The following CPLANE1 variants were observed in gnomAD, a reference collection of about 807,000 sequenced individuals.
CPLANE1 encodes the protein ciliogenesis and planar polarity effector 1.
Under a neutral mutation model 362.5 loss-of-function variants are expected in CPLANE1, and 263 were observed. The observed-to-expected ratio is 0.73, with a 90% confidence interval of 0.66 to 0.80. The LOEUF is 0.80. CPLANE1 is among the 30% of genes least tolerant of loss of function. The probability of loss-of-function intolerance (pLI) is 0.00; values close to 1 mark genes in which losing one functional copy is unlikely to be tolerated. For missense variants in CPLANE1, 3,461 were observed against 3,793.4 expected (o/e 0.91, Z 2.30); for synonymous variants, 1,212 against 1,302.6 (o/e 0.93, Z 1.50).
At chr5:37,134,259 A>G (rs1037079150) in intron 46 of CPLANE1, among the ~76,000 whole-genome samples, 1 of 152,146 alleles carries the variant, frequency 6.6e-6, no homozygotes, top group Admixed American at 6.5e-5. Flanking sequence ...CTGTGAATCC[A>G]TCTGGTCTGG....
intron 8 of CPLANE1, 103 bp from the exon 9 acceptor site, chr5:37,231,152 G>T: frequency 1.4e-6 from 1 of 697,650 alleles, no homozygotes; most frequent in Non-Finnish European, 2.1e-6. Context: ...TTCAAAAAAT[G>T]AGGGCAAAAG....
At chr5:37,232,005 G>C (rs1479356745) in intron 8 of CPLANE1, among the ~76,000 whole-genome samples, 2 of 152,060 alleles carry the variant, frequency 1.3e-5, no homozygotes, top group African/African-American at 4.8e-5. Flanking sequence ...GAAAGTAAAA[G>C]AAAATGAAGA....
downstream of CPLANE1, among the ~76,000 whole-genome samples, chr5:37,104,334 A>T (rs1757440309): frequency 6.6e-6 from 1 of 152,162 alleles, no homozygotes; most frequent in Non-Finnish European, 1.5e-5. Context: ...GTGGTGGCTC[A>T]TGCCTGTAAT....
In CPLANE1 at chr5:37,183,033, T is replaced by C. The variant is rs1160727384; in HGVS notation, c.5148A>G (p.Arg1716=). 4 of 1,613,390 alleles carry C rather than the reference T, an allele frequency of 2.5e-6. No homozygotes were observed. The African/African-American group carries it at 4.0e-5, about 16-fold the overall frequency. ...FWTPKSIKTR[R]CIFKAIQCND... Reference sequence around the variant, plus strand: ...TGCACTGAATAGCTTTGAAAATACATCTTCTAGTTTTAATGGACTTGGGAG... The same window carrying C: ...TGCACTGAATAGCTTTGAAAATACACCTTCTAGTTTTAATGGACTTGGGAG... The change falls in exon 26 of 53, where the codon AGA becomes AGG. Residue 1716 remains arginine (R), a synonymous_variant. Coordinates refer to ENST00000651892, the MANE Select transcript of CPLANE1 (RefSeq NM_001384732.1).
At chr5:37,164,780 A>G (rs1777797596) in intron 36 of CPLANE1, among the ~76,000 whole-genome samples, 1 of 152,244 alleles carries the variant, frequency 6.6e-6, no homozygotes, top group Non-Finnish European at 1.5e-5. Flanking sequence ...AAAAATAGTT[A>G]GTCACCAAAT....
rs149006773 is a variant in CPLANE1 at position 37,228,392 on chromosome 5, A to G, written c.1122-575T>C. On this transcript the variant is annotated intron_variant, in intron 9 of 52. Transcript: ENST00000651892. Reference sequence around the variant, plus strand: ...TTTACAAATATAAAAGGAACAAACCATCAAAGTATATTGTAATTTTTTTCT... The same window carrying G: ...TTTACAAATATAAAAGGAACAAACCGTCAAAGTATATTGTAATTTTTTTCT... 1.9e-3 allele frequency among the ~76,000 whole-genome samples: 293 copies of G among 152,284 alleles called. 2 individuals carry two copies. The highest frequency in any genetic ancestry group is 6.9e-3 in the African/African-American group (288 of 41,580).
the CPLANE1 span, chr5:37,085,281 C>T: frequency 5.4e-5 from 51 of 935,818 alleles, no homozygotes; most frequent in South Asian, 4.5e-4. Flanking sequence ...TGGCAAGGTA[C>T]GAACTGATAT....
rs1486811354 is a variant in CPLANE1 at position 37,198,716 on chromosome 5, T to C, written c.3658A>G (p.Lys1220Glu). 3 of 1,613,660 alleles carry C rather than the reference T, an allele frequency of 1.9e-6. No individual in the cohort carries two copies. Among genetic ancestry groups the C allele is most frequent in the Admixed American group, 1.7e-5 (1 of 59,940 alleles). The change falls in exon 20 of 53, where the codon AAA becomes GAA. Residue 1220 changes from lysine to glutamate, a missense_variant. This residue lies in a region of CPLANE1 where 3,380 missense variants were observed against 3,666.1 expected (regional missense o/e 0.92). Transcript: ENST00000651892. The part of the protein sequence containing the change: ...WYILQLRWAR[K>E]VMQKIRMKGS... ...TATTTCCATACCTTCTGCATGACTT[T>C]TCTTGCCCACCTCAACTGCAATATA...
chr5:37,165,279 G>A (rs957088445), intron 36 of CPLANE1, among the ~76,000 whole-genome samples: 3 of 152,090 alleles, frequency 2.0e-5, no homozygotes, highest in Non-Finnish European at 4.4e-5. Flanking sequence ...AGCAAAGGGT[G>A]ATTTCAAATA....
At chr5:37,075,960 C>A in the CPLANE1 span, among the ~76,000 whole-genome samples, 1 of 151,804 alleles carries the variant, frequency 6.6e-6, no homozygotes, top group African/African-American at 2.4e-5. Flanking sequence ...GAAATGGAAA[C>A]AGGCTGGGCA....
chr5:37,244,353 A>T (rs1350131976), intron 5 of CPLANE1, 22 bp downstream of exon 5: 1 of 1,479,552 alleles, frequency 6.8e-7, no homozygotes, highest in Admixed American at 2.1e-5. Flanking sequence ...CTTCACAGAT[A>T]AGAGTCTGAG....
At chr5:37,154,459 CTT>C (rs35522666) in intron 41 of CPLANE1, among the ~76,000 whole-genome samples, 17,978 of 84,180 alleles carry the variant, frequency 0.21, 1,772 homozygotes, top group East Asian at 0.36. Context: ...TGCAATAGTT[CTT>C]TTTTTTTTTT....
the CPLANE1 span, among the ~76,000 whole-genome samples, chr5:37,080,150 T>C: frequency 6.6e-6 from 1 of 152,218 alleles, no homozygotes; most frequent in African/African-American, 2.4e-5. Flanking sequence ...GCCTTAACCG[T>C]AAAATTGGAC....
At chr5:37,189,104 T>C (rs915387359) in intron 21 of CPLANE1, among the ~76,000 whole-genome samples, 2 of 152,172 alleles carry the variant, frequency 1.3e-5, no homozygotes, top group Non-Finnish European at 2.9e-5. Flanking sequence ...CTGCCTTGGA[T>C]TACAGGCATA....
At chr5:37,212,523 A>G in intron 16 of CPLANE1, 1 of 557,526 alleles carries the variant, frequency 1.8e-6, no homozygotes, top group Non-Finnish European at 3.3e-6. Flanking sequence ...AGAAACTACA[A>G]ATGTTTTCGT....
intron 27 of CPLANE1, 75 bp from the exon 28 acceptor site, chr5:37,180,258 T>TG: frequency 1.6e-5 from 17 of 1,056,980 alleles, no homozygotes; most frequent in Non-Finnish European, 2.0e-5. Flanking sequence ...GGTTTTTTTT[T>TG]TGTTTTTTTT....
At chr5:37,151,857 T>C (rs1029955059) in intron 42 of CPLANE1, among the ~76,000 whole-genome samples, 1 of 151,622 alleles carries the variant, frequency 6.6e-6, no homozygotes, top group African/African-American at 2.4e-5. Context: ...GAGACTGGCC[T>C]GGGCAACATG....
chr5:37,235,379 C>G (rs1798732680), intron 8 of CPLANE1, among the ~76,000 whole-genome samples: 1 of 152,026 alleles, frequency 6.6e-6, no homozygotes, highest in South Asian at 2.1e-4. Context: ...GGAAAAGCAT[C>G]TCATGCTTAT....
At position 37,106,582 on chromosome 5, in the gene CPLANE1, G is replaced by A. The variant is rs1757678676; in HGVS notation, c.*1020C>T. The A allele has an allele frequency of 4.6e-6, 2 of 438,366 alleles. No homozygotes were observed. The highest frequency in any genetic ancestry group is 2.1e-5 in the African/African-American group (1 of 47,104). 27.2% of individuals were successfully genotyped at this position (438,366 alleles called of 1,614,324 possible). ...ATTAACAATAATGTTAGCCTATAAA[G>A]CTATTTTCTAAAACAATTTGGTAAG... On this transcript the variant is annotated 3_prime_UTR_variant, in exon 53 of 53. Coordinates refer to ENST00000651892, the MANE Select transcript of CPLANE1 (RefSeq NM_001384732.1).
Sources: allele counts gnomAD v4.1 joint callset (sites outside exome capture counted in the v4.1 genomes callset), GRCh38; gene constraint gnomAD v4.1.1; regional missense constraint gnomAD v4.1.1; transcripts MANE v1.5; gene names NCBI Gene and HGNC (gene_info 2026-07-23, HGNC 2026-07-21).